The following CFAP97D2 variants were observed in gnomAD, a reference collection of about 807,000 sequenced individuals.
The protein encoded by CFAP97D2 is uncharacterized protein CFAP97D2.
intron 1 of CFAP97D2, among the ~76,000 whole-genome samples, chr13:114,194,340 A>G (rs983880053): frequency 2.0e-5 from 3 of 152,258 alleles, no homozygotes; most frequent in East Asian, 3.8e-4. Flanking sequence ...CTGCCAATAT[A>G]CAGAAAATGT....
chr13:114,182,431 C>G (rs1052644438), intron 1 of CFAP97D2, among the ~76,000 whole-genome samples: 1 of 151,988 alleles, frequency 6.6e-6, no homozygotes, highest in African/African-American at 2.4e-5. Flanking sequence ...TGGCCTTCCT[C>G]TATCTCAACT....
In CFAP97D2 at chr13:114,189,125, A is replaced by T. The variant is rs2080860754; in HGVS notation, c.91-7271A>T. Among the ~76,000 whole-genome samples, 1 of 150,592 alleles carries T rather than the reference A, an allele frequency of 6.6e-6. No homozygotes were observed. The highest frequency in any genetic ancestry group is 1.5e-5 in the Non-Finnish European group (1 of 67,706). ...AGTAATAATATTACTAATATTAAAA[A>T]GCTATGATCATCAAGAAAGGAAAAA... On this transcript the variant is annotated intron_variant, in intron 1 of 4. Coordinates refer to ENST00000646158, the Ensembl canonical transcript of CFAP97D2. The surrounding 1 kb of genome is among the most constrained non-coding windows in gnomAD (Gnocchi z 4.5).
At chr13:114,195,047 C>G (rs1402346329) in intron 1 of CFAP97D2, among the ~76,000 whole-genome samples, 1 of 152,182 alleles carries the variant, frequency 6.6e-6, no homozygotes, top group African/African-American at 2.4e-5. Context: ...TTTCCCTTCA[C>G]CCCCGCCCCA....
intron 3 of CFAP97D2, among the ~76,000 whole-genome samples, chr13:114,209,601 G>A (rs1162586157): frequency 6.6e-6 from 1 of 152,190 alleles, no homozygotes; most frequent in Non-Finnish European, 1.5e-5. Context: ...GGAAGGTCCT[G>A]ATGCCCACCA....
rs1374329826 is a variant in CFAP97D2, at chr13:114,185,033, T to G, written c.90+5613T>G. 1.3e-5 allele frequency among the ~76,000 whole-genome samples: 2 copies of G among 152,100 alleles called. No homozygotes were observed. The highest frequency in any genetic ancestry group is 2.9e-5 in the Non-Finnish European group (2 of 67,990). On this transcript the variant is annotated intron_variant, in intron 1 of 4. Coordinates refer to ENST00000646158, the Ensembl canonical transcript of CFAP97D2. The surrounding 1 kb of genome is among the most constrained non-coding windows in gnomAD (Gnocchi z 5.2). Reference sequence around the variant, plus strand: ...TGGGTGGGGGGTGGTGCATGGGTGGTGGTGGTGGAAGCAGCTGCAGGAGTG... The same window carrying G: ...TGGGTGGGGGGTGGTGCATGGGTGGGGGTGGTGGAAGCAGCTGCAGGAGTG...
At position 114,179,475 on chromosome 13, in the gene CFAP97D2, G is replaced by A. The variant is rs777580038; in HGVS notation, c.90+55G>A. 9.0e-5 allele frequency: 36 copies of A among 398,370 alleles called. No homozygotes were observed. Among genetic ancestry groups the A allele is most frequent in the Non-Finnish European group, 1.4e-4 (31 of 226,038 alleles). 24.7% of individuals were successfully genotyped at this position (398,370 alleles called of 1,614,324 possible). On this transcript the variant is annotated intron_variant, in intron 1 of 4. Coordinates refer to ENST00000646158, the Ensembl canonical transcript of CFAP97D2. The surrounding 1 kb of genome is among the most constrained non-coding windows in gnomAD (Gnocchi z 4.8). ...GCTCAGCGGGCGGGCACCAAGCAGC[G>A]CCCACGAAATGCCTCTGCTTTCCCT...
Position 114,185,943 on chromosome 13 carries a change from G to T in CFAP97D2, c.90+6523G>T, listed in dbSNP as rs377177256. 1.3e-5 allele frequency among the ~76,000 whole-genome samples: 2 copies of T among 152,218 alleles called. No individual in the cohort carries two copies. The highest frequency in any genetic ancestry group is 4.8e-5 in the African/African-American group (2 of 41,462). On this transcript the variant is annotated intron_variant, in intron 1 of 4. Transcript: ENST00000646158. The surrounding 1 kb of genome is among the most constrained non-coding windows in gnomAD (Gnocchi z 5.2). ...CTGGTGAAGCCCCACCTTCAAGCTGGGGAGGGCCTGAAGCCTGGGGTTCCA... is the reference window on the plus strand; with the variant it reads ...CTGGTGAAGCCCCACCTTCAAGCTGTGGAGGGCCTGAAGCCTGGGGTTCCA...
Position 114,203,229 on chromosome 13 carries a change from T to C in CFAP97D2, c.290+2786T>C, listed in dbSNP as rs903992352. On this transcript the variant is annotated intron_variant, in intron 3 of 4. Transcript: ENST00000646158. The surrounding 1 kb of genome is among the most constrained non-coding windows in gnomAD (Gnocchi z 4.3). ...CCACAAGTTCAACAAGGTTGCAGAA[T>C]ACAAGATCAATACACAAAAATCAAT... Among the ~76,000 whole-genome samples, 2 of 152,198 alleles carry C rather than the reference T, an allele frequency of 1.3e-5. No homozygotes were observed. Among genetic ancestry groups the C allele is most frequent in the African/African-American group, 4.8e-5 (2 of 41,454 alleles).
chr13:114,180,290 T>A (rs186310795), intron 1 of CFAP97D2, among the ~76,000 whole-genome samples: 3 of 152,286 alleles, frequency 2.0e-5, no homozygotes, highest in Admixed American at 1.3e-4. Flanking sequence ...GAACTGCAGG[T>A]CAAGCATTTC....
rs576060166 is a variant in CFAP97D2, at chr13:114,207,284, T to C, written c.291-4628T>C. On this transcript the variant is annotated intron_variant, in intron 3 of 4. Transcript: ENST00000646158. The surrounding 1 kb of genome is among the most constrained non-coding windows in gnomAD (Gnocchi z 4.9). ...TATTTGCCACCATTGAGGACGCTACTGGGATACGGCATGGACAGCGAGGGG... is the reference window on the plus strand; with the variant it reads ...TATTTGCCACCATTGAGGACGCTACCGGGATACGGCATGGACAGCGAGGGG... 2.6e-5 allele frequency among the ~76,000 whole-genome samples: 4 copies of C among 152,336 alleles called. No individual in the cohort carries two copies. Among genetic ancestry groups the C allele is most frequent in the Admixed American group, 6.5e-5 (1 of 15,306 alleles).
Position 114,188,705 on chromosome 13 carries a change from A to T in CFAP97D2, c.91-7691A>T, listed in dbSNP as rs545546830. 6.7e-5 allele frequency among the ~76,000 whole-genome samples: 10 copies of T among 149,262 alleles called. No individual in the cohort carries two copies. The East Asian group carries it at 1.5e-3, about 22-fold the overall frequency. On this transcript the variant is annotated intron_variant, in intron 1 of 4. Coordinates refer to ENST00000646158, the Ensembl canonical transcript of CFAP97D2. ...GGCAGGAGAATGGCATGAACCCCGGAGGAGGAGCTTGCAGTGAGCCGAGAT... is the reference window on the plus strand; with the variant it reads ...GGCAGGAGAATGGCATGAACCCCGGTGGAGGAGCTTGCAGTGAGCCGAGAT...
intron 4 of CFAP97D2, chr13:114,212,307 G>A (rs985924812): frequency 1.0e-4 from 39 of 381,908 alleles, no homozygotes; most frequent in East Asian, 5.6e-4. Flanking sequence ...CACCCACCAC[G>A]CATTTGTTCA....
At chr13:114,182,678 G>A (rs1186045755) in intron 1 of CFAP97D2, among the ~76,000 whole-genome samples, 1 of 152,198 alleles carries the variant, frequency 6.6e-6, no homozygotes, top group African/African-American at 2.4e-5. Context: ...CAAGTATACT[G>A]CTTGTAAACG....
chr13:114,185,241 G>C lies in CFAP97D2; in HGVS notation c.90+5821G>C, dbSNP rs931805375. On this transcript the variant is annotated intron_variant, in intron 1 of 4. Coordinates refer to ENST00000646158, the Ensembl canonical transcript of CFAP97D2. This position sits in a 1 kb window ranked among gnomAD's most constrained non-coding sequence, Gnocchi z 5.2. ...GGAGGGCACAGGAAAGAGGTGAACA[G>C]TACCCGGAGCCCACCCCTGGGAGCC... 4.6e-5 allele frequency among the ~76,000 whole-genome samples: 7 copies of C among 152,342 alleles called. No homozygotes were observed. The highest frequency in any genetic ancestry group is 1.7e-4 in the African/African-American group (7 of 41,574).
rs1395190743 is a variant in CFAP97D2 at position 114,203,961 on chromosome 13, T to G, written c.290+3518T>G. ...CCACTGGTTCTAAAATTTGATGGAT[T>G]GTTTTAGTCAAAACAATCCTGAAAA... On this transcript the variant is annotated intron_variant, in intron 3 of 4. Transcript: ENST00000646158. The surrounding 1 kb of genome is among the most constrained non-coding windows in gnomAD (Gnocchi z 4.3). Among the ~76,000 whole-genome samples the G allele has an allele frequency of 6.6e-6, 1 of 152,212 alleles. No individual in the cohort carries two copies. Among genetic ancestry groups the G allele is most frequent in the Non-Finnish European group, 1.5e-5 (1 of 68,036 alleles).
chr13:114,181,194 G>T (rs954515420), intron 1 of CFAP97D2, among the ~76,000 whole-genome samples: 1 of 152,238 alleles, frequency 6.6e-6, no homozygotes, highest in Admixed American at 6.5e-5. Flanking sequence ...AGTCCAGAAA[G>T]AGAGAAACTG....
At chr13:114,210,326 G>T (rs2080961292) in intron 3 of CFAP97D2, among the ~76,000 whole-genome samples, 1 of 152,076 alleles carries the variant, frequency 6.6e-6, no homozygotes, top group African/African-American at 2.4e-5. Flanking sequence ...TGCTGAAAGG[G>T]ACACTTTTAT....
intron 4 of CFAP97D2, among the ~76,000 whole-genome samples, chr13:114,212,872 TAAA>T (rs1377625202): frequency 6.6e-6 from 1 of 151,372 alleles, no homozygotes; most frequent in Non-Finnish European, 1.5e-5. Flanking sequence ...AAATAAAAAT[TAAA>T]AAGAAAAGGA....
chr13:114,191,039 T>C (rs916952945), intron 1 of CFAP97D2, among the ~76,000 whole-genome samples: 1 of 152,098 alleles, frequency 6.6e-6, no homozygotes, highest in Non-Finnish European at 1.5e-5. Flanking sequence ...AGAAGAGGAA[T>C]CCAGACACAG....
Sources: gnomAD v4.1 joint callset for allele counts (sites outside exome capture counted in the v4.1 genomes callset) on GRCh38, gnomAD v4.1.1 for gene constraint, Gnocchi (gnomAD v3.1) non-coding constraint, MANE v1.5 for transcripts, NCBI Gene and HGNC (gene_info 2026-07-23, HGNC 2026-07-21) for gene names.